The following TECPR2 variants were observed in gnomAD, a reference collection of about 807,000 sequenced individuals.
TECPR2 encodes tectonin beta-propeller repeat containing 2.
In TECPR2, 65 loss-of-function variants were observed where a neutral mutation model predicts 138.1. The ratio of observed to expected loss-of-function variants is 0.47; its 90% CI spans 0.39 to 0.58. The LOEUF is 0.58. Among genes scored for constraint, TECPR2 ranks in the 20% least tolerant of loss-of-function variants. The probability of loss-of-function intolerance (pLI) is 0.00; values close to 1 mark genes in which losing one functional copy is unlikely to be tolerated. For synonymous variants in TECPR2, 746 were observed against 749.8 expected (o/e 0.99, Z 0.08); for missense variants, 1,553 against 1,824.5 (o/e 0.85, Z 2.71).
chr14:102,382,145 G>T (rs1442530304), intron 2 of TECPR2, among the ~76,000 whole-genome samples: 1 of 151,992 alleles, frequency 6.6e-6, no homozygotes, highest in Non-Finnish European at 1.5e-5. Context: ...TACAAAAAAT[G>T]AGCCAGGTGT....
In TECPR2 at chr14:102,483,157, C is replaced by T. The variant is rs553946680; in HGVS notation, c.3790-13822C>T. On this transcript the variant is annotated intron_variant, in intron 17 of 19. Transcript: ENST00000359520. ...TGAGCCACCTCGCCCGGCCCAGAAGCCGTTCTAACACCTGATCCTTGATAC... is the reference window on the plus strand; with the variant it reads ...TGAGCCACCTCGCCCGGCCCAGAAGTCGTTCTAACACCTGATCCTTGATAC... Among the ~76,000 whole-genome samples, 255 of 152,092 alleles carry T rather than the reference C, an allele frequency of 1.7e-3. 2 individuals are homozygous for T. Among genetic ancestry groups the T allele is most frequent in the African/African-American group, 5.6e-3 (232 of 41,484 alleles).
At chr14:102,468,813 T>G (rs1017522306) in intron 17 of TECPR2, among the ~76,000 whole-genome samples, 1 of 152,238 alleles carries the variant, frequency 6.6e-6, no homozygotes, top group South Asian at 2.1e-4. Flanking sequence ...TCCAAATGCA[T>G]TCTTTTACAT....
At chr14:102,409,092 A>G (rs2139695282) in intron 4 of TECPR2, among the ~76,000 whole-genome samples, 1 of 152,312 alleles carries the variant, frequency 6.6e-6, no homozygotes, top group East Asian at 1.9e-4. Flanking sequence ...GAACTAGTCC[A>G]GGGGTGCAGG....
chr14:102,402,667 T>C (rs1186811729), intron 2 of TECPR2, among the ~76,000 whole-genome samples: 1 of 151,858 alleles, frequency 6.6e-6, no homozygotes, highest in Non-Finnish European at 1.5e-5. Flanking sequence ...CAAGAAGAAA[T>C]GAGAGAAGAC....
chr14:102,383,050 G>GC (rs1887882450), intron 2 of TECPR2, among the ~76,000 whole-genome samples: 1 of 152,120 alleles, frequency 6.6e-6, no homozygotes, highest in Non-Finnish European at 1.5e-5. Flanking sequence ...GAGCCACTGT[G>GC]CCCAGCCTGC....
chr14:102,440,434 A>G lies in TECPR2; in HGVS notation c.2579-2A>G. On this transcript the variant is annotated splice_acceptor_variant, in intron 10 of 19. Coordinates refer to ENST00000359520, the MANE Select transcript of TECPR2 (RefSeq NM_014844.5). LOFTEE classifies it high-confidence loss of function. ...CAGTGAATAGAATTTTTATTTCCATAGGAGCCCTTCTCTGGAAGATTGAAC... is the reference window on the plus strand; with the variant it reads ...CAGTGAATAGAATTTTTATTTCCATGGGAGCCCTTCTCTGGAAGATTGAAC... The G allele has an allele frequency of 6.2e-7, 1 of 1,613,892 alleles. No homozygotes were observed. Among genetic ancestry groups the G allele is most frequent in the Non-Finnish European group, 8.5e-7 (1 of 1,179,920 alleles).
intron 16 of TECPR2, among the ~76,000 whole-genome samples, chr14:102,458,223 G>T (rs193267241): frequency 6.6e-6 from 1 of 152,086 alleles, no homozygotes; most frequent in South Asian, 2.1e-4. Flanking sequence ...TTGGCCAGTC[G>T]CTCAGCAGTG....
At position 102,431,810 on chromosome 14, in the gene TECPR2, G is replaced by A. The variant is rs1423596500; in HGVS notation, c.1099G>A (p.Glu367Lys). 6.4e-7 allele frequency: 1 copy of A among 1,572,692 alleles called. No individual in the cohort carries two copies. The highest frequency in any genetic ancestry group is 8.7e-7 in the Non-Finnish European group (1 of 1,153,144). ...GLTSTVRDGLEMSGCSERVHV... is the reference protein window; with the variant it reads ...GLTSTVRDGLKMSGCSERVHV... Reference sequence around the variant, plus strand: ...TTCTTTCTTAGTGAGAGATGGTCTGGAGATGTCTGGATGCTCAGAGCGTGT... The same window carrying A: ...TTCTTTCTTAGTGAGAGATGGTCTGAAGATGTCTGGATGCTCAGAGCGTGT... Residue 367 changes from glutamate to lysine, a missense_variant, in exon 8 of 20, where the codon GAG becomes AAG. Glu to Lys is a moderately conservative substitution (Grantham distance 56). Coordinates refer to ENST00000359520, the MANE Select transcript of TECPR2 (RefSeq NM_014844.5).
At chr14:102,393,314 G>A (rs1022052427) in intron 2 of TECPR2, among the ~76,000 whole-genome samples, 3 of 152,174 alleles carry the variant, frequency 2.0e-5, no homozygotes, top group African/African-American at 7.2e-5. Context: ...CTAGGCTATT[G>A]TATTGTGCAA....
intron 4 of TECPR2, 84 bp from the exon 5 acceptor site, chr14:102,414,552 C>T (rs1359005613): frequency 1.8e-5 from 28 of 1,531,742 alleles, no homozygotes; most frequent in Admixed American, 3.9e-5. Context: ...GCACAGCTAG[C>T]GGGAAGGACA....
intron 5 of TECPR2, among the ~76,000 whole-genome samples, chr14:102,416,525 T>TA (rs1361102085): frequency 6.6e-6 from 1 of 152,252 alleles, no homozygotes; most frequent in African/African-American, 2.4e-5. Flanking sequence ...CTGCAGATCT[T>TA]AGTTCTGCTG....
intron 2 of TECPR2, among the ~76,000 whole-genome samples, chr14:102,402,140 CTA>C (rs1295922979): frequency 6.6e-6 from 1 of 152,110 alleles, no homozygotes; most frequent in Non-Finnish European, 1.5e-5. Flanking sequence ...CCAGGATAGA[CTA>C]TATGTTAAGC....
chr14:102,388,831 G>C (rs1888090550), intron 2 of TECPR2, among the ~76,000 whole-genome samples: 1 of 152,184 alleles, frequency 6.6e-6, no homozygotes, highest in South Asian at 2.1e-4. Flanking sequence ...TGAGATGGCA[G>C]GCACCTGTAG....
At chr14:102,452,657 G>C (rs1253654729) in intron 16 of TECPR2, 30 bp downstream of exon 16, 2 of 1,526,308 alleles carry the variant, frequency 1.3e-6, no homozygotes, top group Middle Eastern at 1.9e-4. Context: ...ACACCTGCCG[G>C]TGCCCTGACT....
intron 16 of TECPR2, among the ~76,000 whole-genome samples, chr14:102,456,875 T>C (rs1054951412): frequency 6.6e-5 from 10 of 150,956 alleles, no homozygotes; most frequent in Non-Finnish European, 1.3e-4. Context: ...AGGTGTGAGC[T>C]ACCGCACCCA....
In TECPR2 at chr14:102,500,008, G is replaced by A. The variant is rs1364067987; in HGVS notation, c.*1751G>A. On this transcript the variant is annotated 3_prime_UTR_variant, in exon 20 of 20. Transcript: ENST00000359520. Reference sequence around the variant, plus strand: ...TCTCTGTGTCTGTTGTGCCTTGCCCGGCGCCTCACGGATGGCAAAGCTCTC... The same window carrying A: ...TCTCTGTGTCTGTTGTGCCTTGCCCAGCGCCTCACGGATGGCAAAGCTCTC... The A allele has an allele frequency of 6.5e-6, 1 of 152,706 alleles. No homozygotes were observed. The highest frequency in any genetic ancestry group is 2.4e-5 in the African/African-American group (1 of 41,454). 9.5% of individuals were successfully genotyped at this position (152,706 alleles called of 1,614,324 possible). A position where few individuals can be genotyped will look rare whatever the true frequency, so the allele number is the denominator to read the frequency against.
At chr14:102,449,581 C>G in intron 13 of TECPR2, 48 bp from the exon 14 acceptor site, 1 of 1,608,602 alleles carries the variant, frequency 6.2e-7, no homozygotes, top group South Asian at 1.1e-5. Context: ...AGAGTCTACA[C>G]TTGTAACTGC....
At chr14:102,450,416 T>C (rs1890108073) in intron 14 of TECPR2, 144 bp from the exon 15 acceptor site, 1 of 749,382 alleles carries the variant, frequency 1.3e-6, no homozygotes, top group African/African-American at 1.7e-5. Context: ...TAGGCTGTGA[T>C]TGCTCATGTC....
At position 102,363,010 on chromosome 14, in the gene TECPR2, G is replaced by A. The variant is rs1025529761; in HGVS notation, c.-179G>A. The A allele has an allele frequency of 2.1e-5, 20 of 945,208 alleles. No homozygotes were observed. The highest frequency in any genetic ancestry group is 1.0e-4 in the Admixed American group (4 of 39,836). 58.6% of individuals were successfully genotyped at this position (945,208 alleles called of 1,614,324 possible). ...CTCTTCGGTGCTGGCCCCGGTGCCGGCCCCGTTGCCCAGGGAACAGGCTCC... is the reference window on the plus strand; with the variant it reads ...CTCTTCGGTGCTGGCCCCGGTGCCGACCCCGTTGCCCAGGGAACAGGCTCC... On this transcript the variant is annotated 5_prime_UTR_variant, in exon 1 of 20. Coordinates refer to ENST00000359520, the MANE Select transcript of TECPR2 (RefSeq NM_014844.5).
Sources: allele counts gnomAD v4.1 joint callset (sites outside exome capture counted in the v4.1 genomes callset), GRCh38; gene constraint gnomAD v4.1.1; transcripts MANE v1.5; gene names NCBI Gene and HGNC (gene_info 2026-07-23, HGNC 2026-07-21).